Variants in CDS1 observed in about 807,000 individuals in gnomAD.
CDS1 encodes the protein CDP-diacylglycerol synthase 1.
Under a neutral mutation model 62.1 loss-of-function variants are expected in CDS1, and 41 were observed. The ratio of observed to expected loss-of-function variants is 0.66; its 90% CI spans 0.51 to 0.86. CDS1 has a LOEUF of 0.86. Ranked by LOEUF, CDS1 falls within the 40% of genes least tolerant of loss-of-function variation. The pLI, the probability that CDS1 is intolerant of heterozygous loss-of-function variation, is 0.00. For missense variants in CDS1, 470 were observed against 550.1 expected (o/e 0.85, Z 1.46); for synonymous variants, 185 against 192.6 (o/e 0.96, Z 0.32).
In CDS1 at chr4:84,649,067, C is replaced by G. The variant is rs1368563276; in HGVS notation, c.*381C>G. ...CTTTTTGCACAAATATTTACTTTTG[C>G]ACTTGGAGCTGCTTTTAATTTTAGC... On this transcript the variant is annotated 3_prime_UTR_variant, in exon 13 of 13. Transcript: ENST00000295887. 6.3e-6 allele frequency: 1 copy of G among 159,706 alleles called. No homozygotes were observed. The highest frequency in any genetic ancestry group is 2.4e-5 in the African/African-American group (1 of 41,542). 9.9% of individuals were successfully genotyped at this position (159,706 alleles called of 1,614,324 possible).
chr4:84,597,896 G>C (rs1158350274), intron 1 of CDS1, among the ~76,000 whole-genome samples: 1 of 152,078 alleles, frequency 6.6e-6, no homozygotes, highest in Admixed American at 6.5e-5. Context: ...GGAGGCCGAG[G>C]TGGGCAGATC....
Position 84,650,547 on chromosome 4 carries a change from C to T in CDS1, c.*1861C>T, listed in dbSNP as rs1211080131. 1 of 152,136 alleles carries T rather than the reference C, an allele frequency of 6.6e-6. No individual in the cohort carries two copies. Among genetic ancestry groups the T allele is most frequent in the Non-Finnish European group, 1.5e-5 (1 of 68,020 alleles). 9.4% of individuals were successfully genotyped at this position (152,136 alleles called of 1,614,324 possible). On this transcript the variant is annotated 3_prime_UTR_variant, in exon 13 of 13. Coordinates refer to ENST00000295887, the MANE Select transcript of CDS1 (RefSeq NM_001263.4). The stretch of plus-strand genomic sequence containing the variant: ...CTTACATTAAAAACTCAGTAGTTTG[C>T]ATGAGTAAGAACTCCTTGAGATACA...
chr4:84,641,532 T>C (rs1724384521), intron 10 of CDS1, among the ~76,000 whole-genome samples: 1 of 152,228 alleles, frequency 6.6e-6, no homozygotes, highest in African/African-American at 2.4e-5. Flanking sequence ...TAGAATGTGT[T>C]TCTCATATCA....
rs531899110 is a variant in CDS1, at chr4:84,629,917, A to G, written c.581-1902A>G. Among the ~76,000 whole-genome samples the G allele has an allele frequency of 1.1e-4, 17 of 152,304 alleles. No individual in the cohort carries two copies. The South Asian group carries it at 2.9e-3, about 26-fold the overall frequency. On this transcript the variant is annotated intron_variant, in intron 5 of 12. Coordinates refer to ENST00000295887, the MANE Select transcript of CDS1 (RefSeq NM_001263.4). ...AGAAAATCATGTATTTTGGAGTAGT[A>G]TTTGTGAGTAGATAATTCATAGTTA...
intron 1 of CDS1, 115 bp downstream of exon 1, chr4:84,583,633 G>C (rs1722324971): frequency 1.7e-6 from 1 of 597,878 alleles, no homozygotes; most frequent in Non-Finnish European, 2.8e-6. Context: ...GCACGCTGCC[G>C]GTGCACCTTC....
At chr4:84,603,793 G>C (rs1247278902) in intron 1 of CDS1, among the ~76,000 whole-genome samples, 1 of 152,190 alleles carries the variant, frequency 6.6e-6, no homozygotes, top group Non-Finnish European at 1.5e-5. Flanking sequence ...TAATAAAAAT[G>C]ATGGAAGTTG....
At chr4:84,619,943 A>C (rs1723623872) in intron 5 of CDS1, among the ~76,000 whole-genome samples, 1 of 151,226 alleles carries the variant, frequency 6.6e-6, no homozygotes, top group Non-Finnish European at 1.5e-5. Context: ...GAGGCAGGAG[A>C]ATCGCTTGAA....
chr4:84,595,858 C>G (rs1722732141), intron 1 of CDS1, among the ~76,000 whole-genome samples: 3 of 152,092 alleles, frequency 2.0e-5, no homozygotes, highest in Non-Finnish European at 1.5e-5. Context: ...GAATTTAAGA[C>G]TTACATAAAT....
chr4:84,632,410 A>G (rs1278161268), intron 6 of CDS1, among the ~76,000 whole-genome samples: 2 of 152,184 alleles, frequency 1.3e-5, no homozygotes, highest in African/African-American at 4.8e-5. Context: ...TATTTTCTTA[A>G]ACTGTAGCTA....
At chr4:84,590,001 C>T (rs575252491) in intron 1 of CDS1, among the ~76,000 whole-genome samples, 8 of 152,168 alleles carry the variant, frequency 5.3e-5, no homozygotes, top group Admixed American at 2.0e-4. Context: ...TTAGTAGAGA[C>T]GGGGTTTCAC....
Position 84,642,897 on chromosome 4 carries a change from A to C in CDS1, c.1033-127A>C, listed in dbSNP as rs1304877159. The C allele has an allele frequency of 1.1e-5, 10 of 940,602 alleles. No individual in the cohort carries two copies. In the African/African-American group the frequency reaches 1.3e-4, roughly 12 times the overall value. 58.3% of individuals were successfully genotyped at this position (940,602 alleles called of 1,614,324 possible). A position where few individuals can be genotyped will look rare whatever the true frequency, so the allele number is the denominator to read the frequency against. On this transcript the variant is annotated intron_variant, in intron 10 of 12. Transcript: ENST00000295887. ...TTCTTCCTTGATCCTTAAAGTTTGA[A>C]AAATTAACAAAAATGTGGTGCGTGC...
At chr4:84,610,907 G>A (rs575231131) in intron 3 of CDS1, among the ~76,000 whole-genome samples, 1 of 152,144 alleles carries the variant, frequency 6.6e-6, no homozygotes, top group Non-Finnish European at 1.5e-5. Flanking sequence ...ATTGCCTAAC[G>A]ATGCATTTCT....
chr4:84,638,196 AACTT>A (rs1218810295), intron 8 of CDS1, among the ~76,000 whole-genome samples: 2 of 152,154 alleles, frequency 1.3e-5, no homozygotes, highest in Admixed American at 6.6e-5. Flanking sequence ...CAACACCACT[AACTT>A]CTAGATTTTT....
Position 84,595,495 on chromosome 4 carries a change from GA to G in CDS1, c.118-8741del, listed in dbSNP as rs1371159836. Among the ~76,000 whole-genome samples the G allele has an allele frequency of 3.3e-5, 5 of 152,184 alleles. No homozygotes were observed. The East Asian group carries it at 5.8e-4, about 18-fold the overall frequency. On this transcript the variant is annotated intron_variant, in intron 1 of 12. Coordinates refer to ENST00000295887, the MANE Select transcript of CDS1 (RefSeq NM_001263.4). ...TGTATTGTTTAGAGAATAATGACAA[GA>G]AAAAAATCTATGTGTTTAGTACAGA...
chr4:84,627,982 A>G (rs1255818978), intron 5 of CDS1, among the ~76,000 whole-genome samples: 2 of 152,220 alleles, frequency 1.3e-5, no homozygotes, highest in East Asian at 1.9e-4. Context: ...GTTAACTAAT[A>G]TGATGATTGG....
At chr4:84,590,046 T>C (rs542301852) in intron 1 of CDS1, among the ~76,000 whole-genome samples, 72 of 152,234 alleles carry the variant, frequency 4.7e-4, no homozygotes, top group Non-Finnish European at 8.1e-4. Flanking sequence ...CTCCTGACCT[T>C]GTGATCTGCC....
intron 5 of CDS1, among the ~76,000 whole-genome samples, chr4:84,627,641 A>T (rs1051136575): frequency 2.0e-5 from 3 of 152,156 alleles, no homozygotes; most frequent in African/African-American, 7.2e-5. Context: ...TTGTGCATGC[A>T]TAGCTATTTT....
rs772632906 is a variant in CDS1, at chr4:84,619,437, G to A, written c.484G>A (p.Val162Ile). 39 of 1,580,936 alleles carry A rather than the reference G, an allele frequency of 2.5e-5. No individual in the cohort carries two copies. In the South Asian group the frequency reaches 4.0e-4, roughly 16 times the overall value. ...CVNYFFYGET[V>I]ADYFATFVQR... ...AAACTACTTTTTCTATGGAGAGACT[G>A]TAGCTGATTATTTTGCTACATTTGT... The change falls in exon 5 of 13, where the codon GTA becomes ATA. Residue 162 changes from valine to isoleucine, a missense_variant. By Grantham distance (29) the Val-to-Ile change is conservative (BLOSUM62 3). Transcript: ENST00000295887.
chr4:84,609,490 A>G lies in CDS1; in HGVS notation c.307A>G (p.Ile103Val), dbSNP rs1454039741. 20 of 1,609,364 alleles carry G rather than the reference A, an allele frequency of 1.2e-5. 1 individual carries two copies. The highest frequency in any genetic ancestry group is 3.3e-4 in the Middle Eastern group (2 of 6,048). The change falls in exon 3 of 13, where the codon ATC becomes GTC. Residue 103 changes from isoleucine (I) to valine (V), a missense_variant. Coordinates refer to ENST00000295887, the MANE Select transcript of CDS1 (RefSeq NM_001263.4). The part of the protein sequence containing the change: ...TLTMISLFFL[I>V]IYMGSFMLML... The stretch of plus-strand genomic sequence containing the variant: ...AACTATGATCTCGTTGTTTTTCCTG[A>G]TCATCTATATGGGATCCTTCATGCT...
Sources: allele counts gnomAD v4.1 joint callset (sites outside exome capture counted in the v4.1 genomes callset), GRCh38; gene constraint gnomAD v4.1.1; transcripts MANE v1.5; gene names NCBI Gene and HGNC (gene_info 2026-07-23, HGNC 2026-07-21).